LRBA: variants seen among roughly 807,000 people sequenced by gnomAD.
LRBA encodes LPS responsive beige-like anchor protein.
A neutral mutation model predicts 330.0 loss-of-function variants in LRBA; 176 were observed. The observed-to-expected ratio is 0.53, with a 90% CI of 0.47 to 0.60. The LOEUF (loss-of-function observed/expected upper bound fraction) is 0.60, where lower values mean the gene tolerates loss of function less well. Ranked by LOEUF, LRBA falls within the 20% of genes least tolerant of loss-of-function variation. The pLI, the probability that LRBA is intolerant of heterozygous loss-of-function variation, is 0.00. For synonymous variants in LRBA, 1,230 were observed against 1,193.0 expected (o/e 1.03, Z -0.64); for missense variants, 3,259 against 3,444.8 (o/e 0.95, Z 1.35).
chr4:150,888,766 G>C (rs941537642), intron 17 of LRBA, among the ~76,000 whole-genome samples: 1 of 152,098 alleles, frequency 6.6e-6, no homozygotes, highest in African/African-American at 2.4e-5. Context: ...TAAAATGGTA[G>C]ATGAAAATAA....
intron 2 of LRBA, among the ~76,000 whole-genome samples, chr4:150,934,779 C>T (rs1159570074): frequency 2.0e-5 from 3 of 151,934 alleles, no homozygotes; most frequent in Non-Finnish European, 4.4e-5. Context: ...GAGGCCGAGG[C>T]GGGCAAATTA....
intron 28 of LRBA, among the ~76,000 whole-genome samples, chr4:150,837,620 C>A (rs1748337390): frequency 6.6e-6 from 1 of 151,954 alleles, no homozygotes; most frequent in East Asian, 1.9e-4. Flanking sequence ...CAACCCCTGC[C>A]TTTTTTTGTT....
Position 150,389,559 on chromosome 4 carries a change from A to G in LRBA, c.7194+25879T>C, listed in dbSNP as rs984654733. On this transcript the variant is annotated intron_variant, in intron 47 of 56. Coordinates refer to ENST00000651943, the MANE Select transcript of LRBA (RefSeq NM_001364905.1). ...CCCCATCTCTACTAAAAATACAAAA[A>G]TTAGCCAGGCGTGGTGGCACATGCT... 5.3e-5 allele frequency among the ~76,000 whole-genome samples: 8 copies of G among 150,090 alleles called. No individual in the cohort carries two copies. In the Admixed American group the frequency reaches 5.4e-4, roughly 10 times the overall value.
intron 2 of LRBA, among the ~76,000 whole-genome samples, chr4:150,983,671 T>C (rs557650684): frequency 2.9e-4 from 44 of 151,670 alleles, no homozygotes; most frequent in African/African-American, 1.0e-3. Context: ...GCCAGGCTGG[T>C]CTCGAACTCC....
chr4:150,882,439 T>C (rs1728499033), intron 17 of LRBA, among the ~76,000 whole-genome samples: 2 of 152,124 alleles, frequency 1.3e-5, no homozygotes. Flanking sequence ...TATATATTTA[T>C]CTAATCATAA....
At chr4:150,778,812 A>G (rs1202705103) in intron 34 of LRBA, among the ~76,000 whole-genome samples, 2 of 152,206 alleles carry the variant, frequency 1.3e-5, no homozygotes, top group Non-Finnish European at 2.9e-5. Flanking sequence ...GACATATGGC[A>G]ATTGCTGCCC....
chr4:150,291,055 AC>A (rs1728226369), intron 53 of LRBA, among the ~76,000 whole-genome samples: 1 of 149,156 alleles, frequency 6.7e-6, no homozygotes, highest in Non-Finnish European at 1.5e-5. Context: ...CGCTGCACCC[AC>A]TAACTCGTCA....
In LRBA at chr4:150,646,179, A is replaced by G. The variant is rs58620197; in HGVS notation, c.5921+37372T>C. Reference sequence around the variant, plus strand: ...GATGGGAAATGTCCAGATTCTGGCTATATTTTTATGGTAGAACCAATAAAA... The same window carrying G: ...GATGGGAAATGTCCAGATTCTGGCTGTATTTTTATGGTAGAACCAATAAAA... On this transcript the variant is annotated intron_variant, in intron 37 of 56. Coordinates refer to ENST00000651943, the MANE Select transcript of LRBA (RefSeq NM_001364905.1). Among the ~76,000 whole-genome samples the G allele has an allele frequency of 1.7e-3, 251 of 152,116 alleles. 3 individuals carry two copies. The highest frequency in any genetic ancestry group is 5.7e-3 in the African/African-American group (236 of 41,530).
At chr4:150,272,976 C>G (rs1263056731) in intron 56 of LRBA, among the ~76,000 whole-genome samples, 1 of 152,088 alleles carries the variant, frequency 6.6e-6, no homozygotes, top group African/African-American at 2.4e-5. Flanking sequence ...AAAGATACTT[C>G]TCAAGAAGAG....
At chr4:150,428,825 T>C (rs2151978311) in intron 46 of LRBA, among the ~76,000 whole-genome samples, 1 of 152,300 alleles carries the variant, frequency 6.6e-6, no homozygotes, top group African/African-American at 2.4e-5. Flanking sequence ...TCTGTTTCTA[T>C]GTTTTCTACA....
In LRBA at chr4:150,526,162, A is replaced by G. The variant is rs190884408; in HGVS notation, c.6331-35127T>C. 5.6e-3 allele frequency among the ~76,000 whole-genome samples: 848 copies of G among 152,346 alleles called. 6 individuals are homozygous for G. Among genetic ancestry groups the G allele is most frequent in the South Asian group, 0.012 (56 of 4,830 alleles). ...TTGCCAATGAGGAGACTAGACACAG[A>G]GTACATTCCTTTTGTACAGAGAAAA... On this transcript the variant is annotated intron_variant, in intron 40 of 56. Transcript: ENST00000651943.
rs931584499 is a variant in LRBA at position 150,683,833 on chromosome 4, T to G, written c.5755-116A>C. 16 of 692,172 alleles carry G rather than the reference T, an allele frequency of 2.3e-5. 1 individual carries two copies. Among genetic ancestry groups the G allele is most frequent in the Middle Eastern group, 3.7e-4 (1 of 2,700 alleles). The allele number at this position is 692,172 out of a possible 1,614,324, so 42.9% of individuals were successfully genotyped here. ...CCAAAATTTTAAATCTACTTTTACA[T>G]TCCTCATTCACCTAACTGAGATTTA... is the stretch of plus-strand genomic sequence containing the variant. On this transcript the variant is annotated intron_variant, in intron 36 of 56. Transcript: ENST00000651943.
At chr4:150,327,585 A>T (rs1157798060) in intron 48 of LRBA, among the ~76,000 whole-genome samples, 1 of 152,214 alleles carries the variant, frequency 6.6e-6, no homozygotes, top group Non-Finnish European at 1.5e-5. Context: ...GATGGCTCAG[A>T]GTGCTAATCC....
chr4:150,459,127 G>A (rs1754446535), intron 44 of LRBA, among the ~76,000 whole-genome samples: 1 of 151,808 alleles, frequency 6.6e-6, no homozygotes, highest in Non-Finnish European at 1.5e-5. Flanking sequence ...TATGGGGTGG[G>A]GATGGTATAA....
intron 47 of LRBA, among the ~76,000 whole-genome samples, chr4:150,388,146 TAG>T (rs1743358059): frequency 6.6e-6 from 1 of 152,338 alleles, no homozygotes; most frequent in Middle Eastern, 3.4e-3. Context: ...CCTCACATGA[TAG>T]AGAGAGAGTG....
chr4:150,292,748 A>T (rs557890949), intron 53 of LRBA, among the ~76,000 whole-genome samples: 1 of 152,322 alleles, frequency 6.6e-6, no homozygotes, highest in Non-Finnish European at 1.5e-5. Flanking sequence ...ATTTTAAAGG[A>T]TCATTGGATC....
At chr4:150,639,781 ATGTGTGTG>A (rs57210930) in intron 37 of LRBA, among the ~76,000 whole-genome samples, 272 of 14,290 alleles carry the variant, frequency 0.019, 35 homozygotes, top group African/African-American at 0.086. Context: ...ATATATATAT[ATGTGTGTG>A]TGTATATATA....
At chr4:150,769,435 A>G (rs1736255634) in intron 34 of LRBA, among the ~76,000 whole-genome samples, 1 of 152,214 alleles carries the variant, frequency 6.6e-6, no homozygotes, top group Admixed American at 6.5e-5. Flanking sequence ...CTACAGGATG[A>G]GTCAGCAAGA....
chr4:150,596,998 A>C, intron 38 of LRBA: 1 of 669,768 alleles, frequency 1.5e-6, no homozygotes, highest in South Asian at 2.0e-5. Flanking sequence ...TTTTAAACAT[A>C]TATTTCAAAC....
Sources: gnomAD v4.1 joint callset for allele counts (sites outside exome capture counted in the v4.1 genomes callset) on GRCh38, gnomAD v4.1.1 for gene constraint, MANE v1.5 for transcripts, NCBI Gene and HGNC (gene_info 2026-07-23, HGNC 2026-07-21) for gene names.